Variants in CACNA1A observed in about 807,000 individuals in gnomAD.
CACNA1A encodes the protein voltage-dependent P/Q-type calcium channel subunit alpha-1A.
Under a neutral mutation model 262.4 loss-of-function variants are expected in CACNA1A, and 57 were observed. That is an observed-to-expected ratio of 0.22 (90% CI 0.18 to 0.27). The LOEUF (loss-of-function observed/expected upper bound fraction) is 0.27. Among genes scored for constraint, CACNA1A ranks in the 10% least tolerant of loss-of-function variants. The probability of loss-of-function intolerance (pLI) is 1.00; values close to 1 mark genes in which losing one functional copy is unlikely to be tolerated. For missense variants in CACNA1A, 2,526 were observed against 3,562.8 expected (o/e 0.71, Z 7.41); for synonymous variants, 1,431 against 1,419.3 (o/e 1.01, Z -0.18).
intron 31 of CACNA1A, 40 bp from the exon 32 acceptor site, chr19:13,235,770 C>G: frequency 6.9e-7 from 1 of 1,456,332 alleles, no homozygotes; most frequent in Non-Finnish European, 9.6e-7. Flanking sequence ...TCCACCCACC[C>G]CAAAAGGCTC....
rs544513223 is a variant in CACNA1A, at chr19:13,425,398, T to C, written c.539+27478A>G. On this transcript the variant is annotated intron_variant, in intron 3 of 46. Transcript: ENST00000360228. Reference sequence around the variant, plus strand: ...AGCAGGGGTGGGGCAAAGTCCAGGGTACACACGTGTTAGAAAGTCTCAAAG... The same window carrying C: ...AGCAGGGGTGGGGCAAAGTCCAGGGCACACACGTGTTAGAAAGTCTCAAAG... Among the ~76,000 whole-genome samples, 240 of 152,166 alleles carry C rather than the reference T, an allele frequency of 1.6e-3. 1 individual carries two copies. The highest frequency in any genetic ancestry group is 2.9e-3 in the Non-Finnish European group (199 of 67,988).
At chr19:13,357,530 G>T (rs961264682) in intron 6 of CACNA1A, among the ~76,000 whole-genome samples, 3 of 152,082 alleles carry the variant, frequency 2.0e-5, no homozygotes, top group Admixed American at 6.6e-5. Context: ...TGCTCTATGG[G>T]GTCACTACAG....
intron 44 of CACNA1A, 90 bp from the exon 45 acceptor site, chr19:13,209,588 T>TGGCCTTCGGTGAC (rs1223770172): frequency 9.9e-7 from 1 of 1,009,472 alleles, no homozygotes; most frequent in East Asian, 3.2e-5. Context: ...AGCCTGGTGG[T>TGGCCTTCGGTGAC]GGCCTTCGGT....
At chr19:13,462,405 G>C (rs953335107) in intron 1 of CACNA1A, among the ~76,000 whole-genome samples, 3 of 152,152 alleles carry the variant, frequency 2.0e-5, no homozygotes, top group African/African-American at 7.2e-5. Flanking sequence ...AAAAAGAGTA[G>C]AGGGTACCAG....
At chr19:13,393,409 A>C (rs999139997) in intron 3 of CACNA1A, among the ~76,000 whole-genome samples, 1 of 152,166 alleles carries the variant, frequency 6.6e-6, no homozygotes, top group African/African-American at 2.4e-5. Flanking sequence ...AAGCAAAACT[A>C]ATCTAGACTG....
Position 13,303,650 on chromosome 19 carries a change from G to A in CACNA1A, c.2105-37C>T, listed in dbSNP as rs2057837625. 9 of 1,600,760 alleles carry A rather than the reference G, an allele frequency of 5.6e-6. 1 individual carries two copies. The highest frequency in any genetic ancestry group is 1.3e-5 in the African/African-American group (1 of 74,698). ...TGAGTCAGGAAAAGCAACCACTGGT[G>A]GGACACCACTTGGGCCCTGGGTATC... On this transcript the variant is annotated intron_variant, in intron 16 of 46. Transcript: ENST00000360228.
chr19:13,310,346 T>C (rs1400134027), intron 12 of CACNA1A, among the ~76,000 whole-genome samples: 2 of 147,174 alleles, frequency 1.4e-5, no homozygotes, highest in Non-Finnish European at 1.5e-5. Context: ...TCCCAGCTAC[T>C]TGGGAGGCTG....
intron 4 of CACNA1A, 108 bp downstream of exon 4, chr19:13,371,580 C>A: frequency 1.3e-6 from 1 of 771,662 alleles, no homozygotes; most frequent in South Asian, 1.7e-5. Context: ...ACTGCCCTCA[C>A]ACAGGCTGGT....
intron 3 of CACNA1A, among the ~76,000 whole-genome samples, chr19:13,390,757 G>T (rs945815144): frequency 6.6e-6 from 1 of 151,982 alleles, no homozygotes; most frequent in African/African-American, 2.4e-5. Context: ...CAATTCCATA[G>T]GTAGATACTA....
intron 3 of CACNA1A, among the ~76,000 whole-genome samples, chr19:13,410,312 G>A (rs1488654570): frequency 2.7e-5 from 4 of 150,818 alleles, no homozygotes; most frequent in East Asian, 2.0e-4. Context: ...CTGCAGCCTC[G>A]ACCTCCCAGG....
intron 37 of CACNA1A, 99 bp from the exon 38 acceptor site, chr19:13,224,871 T>A: frequency 1.3e-6 from 1 of 783,350 alleles, no homozygotes. Flanking sequence ...CAGGAAGAAC[T>A]CTGAAAGCTG....
chr19:13,431,974 G>A (rs576581962), intron 3 of CACNA1A, among the ~76,000 whole-genome samples: 62 of 151,676 alleles, frequency 4.1e-4, no homozygotes, highest in African/African-American at 1.3e-3. Context: ...GCGTGGTGGT[G>A]CACACCTCTA....
intron 3 of CACNA1A, among the ~76,000 whole-genome samples, chr19:13,403,168 TCC>T (rs1056624018): frequency 6.6e-6 from 1 of 151,260 alleles, no homozygotes; most frequent in African/African-American, 2.4e-5. Flanking sequence ...GTTCTCACCC[TCC>T]CCCACCTCAC....
chr19:13,356,125 AAG>A (rs1271389008), intron 6 of CACNA1A, among the ~76,000 whole-genome samples: 1 of 152,208 alleles, frequency 6.6e-6, no homozygotes, highest in Non-Finnish European at 1.5e-5. Flanking sequence ...GGAATAAAGT[AAG>A]ACCTCTCACA....
intron 17 of CACNA1A, among the ~76,000 whole-genome samples, chr19:13,301,187 C>T (rs926339204): frequency 4.0e-5 from 6 of 151,758 alleles, no homozygotes; most frequent in African/African-American, 1.5e-4. Flanking sequence ...AACTTCTGGC[C>T]TCAAATGATC....
intron 1 of CACNA1A, among the ~76,000 whole-genome samples, chr19:13,496,074 A>G (rs1981487109): frequency 6.8e-6 from 1 of 148,122 alleles, no homozygotes; most frequent in South Asian, 2.1e-4. Context: ...CCATCCATCC[A>G]TCCATCCATC....
intron 1 of CACNA1A, among the ~76,000 whole-genome samples, chr19:13,458,564 AGG>A (rs2061057798): frequency 1.3e-5 from 2 of 152,236 alleles, no homozygotes; most frequent in South Asian, 4.1e-4. Context: ...GACCCGAGGC[AGG>A]GGAGGGGTCG....
chr19:13,413,216 C>T (rs537990072), intron 3 of CACNA1A, among the ~76,000 whole-genome samples: 4 of 151,786 alleles, frequency 2.6e-5, no homozygotes, highest in Non-Finnish European at 4.4e-5. Flanking sequence ...ACACCATTCT[C>T]CTGCCTCAGC....
intron 26 of CACNA1A, chr19:13,260,347 GT>G (rs200787292): frequency 0.032 from 4,304 of 134,850 alleles, 72 homozygotes; most frequent in Middle Eastern, 0.039. Context: ...TGTTGTTGTT[GT>G]TTGTTTGTTT....
Sources: allele counts gnomAD v4.1 joint callset (sites outside exome capture counted in the v4.1 genomes callset), GRCh38; gene constraint gnomAD v4.1.1; transcripts MANE v1.5; gene names NCBI Gene and HGNC (gene_info 2026-07-23, HGNC 2026-07-21).